The following PDE10A variants were observed in gnomAD, a reference collection of about 807,000 sequenced individuals.
PDE10A encodes phosphodiesterase 10A, also known as cAMP and cAMP-inhibited cGMP 3',5'-cyclic phosphodiesterase 10A.
Under a neutral mutation model 97.7 loss-of-function variants are expected in PDE10A, and 39 were observed. The observed-to-expected ratio is 0.40, with a 90% CI of 0.31 to 0.52. The LOEUF (loss-of-function observed/expected upper bound fraction) is 0.52. Among genes scored for constraint, PDE10A ranks in the 20% least tolerant of loss-of-function variants. PDE10A has a pLI of 0.56. For missense variants in PDE10A, 731 were observed against 1,047.8 expected, an observed-to-expected ratio of 0.70 and a Z score of 4.17; for synonymous variants, 371 against 376.8, an observed-to-expected ratio of 0.98 and a Z score of 0.18.
intron 1 of PDE10A, among the ~76,000 whole-genome samples, chr6:165,943,207 GA>G (rs1404109250): frequency 2.2e-4 from 14 of 62,248 alleles, no homozygotes; most frequent in Middle Eastern, 5.9e-3. Flanking sequence ...AAGAAAGAAA[GA>G]AAGAAAGAAA....
chr6:165,877,613 A>C (rs2461732), intron 1 of PDE10A, among the ~76,000 whole-genome samples: 147,722 of 152,280 alleles, frequency 0.97, 71,674 homozygotes, highest in East Asian at 1. Flanking sequence ...TGAAATGGCT[A>C]AATTGAGCTC....
intron 1 of PDE10A, among the ~76,000 whole-genome samples, chr6:165,715,379 T>C (rs1241893023): frequency 6.6e-6 from 1 of 152,054 alleles, no homozygotes; most frequent in Non-Finnish European, 1.5e-5. Flanking sequence ...CCAACAGAAG[T>C]GGTGTGTGCG....
chr6:165,700,692 T>G (rs1200827561), intron 1 of PDE10A, among the ~76,000 whole-genome samples: 5 of 152,214 alleles, frequency 3.3e-5, no homozygotes, highest in African/African-American at 1.2e-4. Flanking sequence ...TAAAGATTTG[T>G]TACAGAAGTA....
intron 1 of PDE10A, among the ~76,000 whole-genome samples, chr6:165,599,771 C>T (rs1176558184): frequency 6.6e-6 from 1 of 152,242 alleles, no homozygotes; most frequent in Non-Finnish European, 1.5e-5. Flanking sequence ...AGGAGTGCGT[C>T]TCTGACCAAC....
intron 1 of PDE10A, among the ~76,000 whole-genome samples, chr6:165,630,266 T>C (rs1309213846): frequency 2.6e-5 from 4 of 152,116 alleles, no homozygotes; most frequent in African/African-American, 4.8e-5. Flanking sequence ...GACAATCACT[T>C]GAGCCAGGGA....
chr6:165,717,792 T>C (rs915587552), intron 1 of PDE10A, among the ~76,000 whole-genome samples: 4 of 152,220 alleles, frequency 2.6e-5, no homozygotes, highest in African/African-American at 4.8e-5. Context: ...TATTTATTGT[T>C]TTGTTTCAAT....
chr6:165,904,609 A>G (rs1382597034), intron 1 of PDE10A, among the ~76,000 whole-genome samples: 7 of 152,178 alleles, frequency 4.6e-5, no homozygotes. Flanking sequence ...CTAGGCAGCA[A>G]GATTTTTTGG....
chr6:165,467,610 C>T (rs1260235773), intron 3 of PDE10A, among the ~76,000 whole-genome samples: 1 of 152,208 alleles, frequency 6.6e-6, no homozygotes, highest in Non-Finnish European at 1.5e-5. Context: ...TTTAAGCCCA[C>T]TGTTGAAAGC....
At chr6:165,512,958 T>C (rs527334100) in intron 2 of PDE10A, among the ~76,000 whole-genome samples, 16 of 152,024 alleles carry the variant, frequency 1.1e-4, no homozygotes, top group Middle Eastern at 3.2e-3. Flanking sequence ...TATATTCTCT[T>C]TGAGATCATT....
Position 165,331,398 on chromosome 6 carries a change from G to A in PDE10A, c.*1627C>T, listed in dbSNP as rs1397324008. On this transcript the variant is annotated 3_prime_UTR_variant, in exon 22 of 22. Transcript: ENST00000539869. The stretch of plus-strand genomic sequence containing the variant: ...GTGTTAATTTTAAAATAAGAACAAT[G>A]TTTATGTAGAGCCAACTTTGCTACA... 1 of 152,140 alleles carries A rather than the reference G, an allele frequency of 6.6e-6. No individual in the cohort carries two copies. The highest frequency in any genetic ancestry group is 1.5e-5 in the Non-Finnish European group (1 of 68,012). 9.4% of individuals were successfully genotyped at this position (152,140 alleles called of 1,614,324 possible).
intron 2 of PDE10A, among the ~76,000 whole-genome samples, chr6:165,491,754 A>C (rs912138618): frequency 6.6e-6 from 1 of 152,190 alleles, no homozygotes; most frequent in African/African-American, 2.4e-5. Context: ...CTACATCAAA[A>C]GTCTGAAAGA....
intron 8 of PDE10A, 122 bp downstream of exon 8, chr6:165,431,300 A>G: frequency 3.7e-6 from 2 of 542,342 alleles, no homozygotes; most frequent in Admixed American, 2.9e-5. Flanking sequence ...GAAATAACAG[A>G]AAATTGTAAT....
intron 2 of PDE10A, among the ~76,000 whole-genome samples, chr6:165,529,315 A>G (rs1782634418): frequency 6.6e-6 from 1 of 152,328 alleles, no homozygotes; most frequent in South Asian, 2.1e-4. Flanking sequence ...TCTTAGTATT[A>G]CCATGCCCTG....
At chr6:165,866,843 G>C (rs1781069339) in intron 1 of PDE10A, among the ~76,000 whole-genome samples, 1 of 149,834 alleles carries the variant, frequency 6.7e-6, no homozygotes, top group African/African-American at 2.4e-5. Context: ...ACCCACCAAA[G>C]CTATTCTTCA....
At chr6:165,733,873 G>A (rs1792498386) in intron 1 of PDE10A, among the ~76,000 whole-genome samples, 1 of 150,336 alleles carries the variant, frequency 6.7e-6, no homozygotes, top group Non-Finnish European at 1.5e-5. Flanking sequence ...GGTCTAGGAA[G>A]AAAAAAAAAA....
chr6:165,409,033 C>T (rs895436156), intron 13 of PDE10A, among the ~76,000 whole-genome samples: 4 of 150,138 alleles, frequency 2.7e-5, no homozygotes, highest in Non-Finnish European at 5.9e-5. Context: ...GGTGTAGTGG[C>T]GGGTGCCTGT....
At chr6:165,348,367 C>T (rs1038965445) in intron 18 of PDE10A, among the ~76,000 whole-genome samples, 3 of 152,148 alleles carry the variant, frequency 2.0e-5, no homozygotes, top group African/African-American at 7.2e-5. Context: ...GCACCATGGT[C>T]TTTTCTGAAT....
chr6:165,893,549 C>T (rs144231422), intron 1 of PDE10A, among the ~76,000 whole-genome samples: 1 of 152,328 alleles, frequency 6.6e-6, no homozygotes, highest in African/African-American at 2.4e-5. Context: ...CAGTAAACAG[C>T]AGCACTAGCC....
intron 1 of PDE10A, among the ~76,000 whole-genome samples, chr6:165,751,520 G>A (rs1434923555): frequency 6.6e-6 from 1 of 152,176 alleles, no homozygotes; most frequent in East Asian, 1.9e-4. Flanking sequence ...GCACCTGATT[G>A]GGAGCTGCCC....
Sources: allele counts gnomAD v4.1 joint callset (sites outside exome capture counted in the v4.1 genomes callset), GRCh38; gene constraint gnomAD v4.1.1; transcripts MANE v1.5; gene names NCBI Gene and HGNC (gene_info 2026-07-23, HGNC 2026-07-21).